The following BAG5 variants were observed in gnomAD, a reference collection of about 807,000 sequenced individuals.
BAG5 encodes the protein BAG cochaperone 5.
BAG5 carries 25 observed loss-of-function variants against 31.8 expected under a neutral mutation model. The observed-to-expected ratio is 0.79, with a 90% confidence interval of 0.57 to 1.10. BAG5 has a LOEUF of 1.10. BAG5 is among the 50% of genes least tolerant of loss of function. BAG5 has a pLI of 0.00. For missense variants in BAG5, 491 were observed against 527.9 expected, an observed-to-expected ratio of 0.93 and a Z score of 0.68; for synonymous variants, 208 against 205.0, an observed-to-expected ratio of 1.01 and a Z score of -0.13.
Position 103,560,566 on chromosome 14 carries a change from AGGACCCCTC to A in BAG5, c.590_598del (p.Arg197_Val199del). 5.6e-6 allele frequency: 9 copies of A among 1,614,174 alleles called. No individual in the cohort carries two copies. In the South Asian group the frequency reaches 9.9e-5, roughly 18 times the overall value. On this transcript the variant is annotated inframe_deletion, in exon 2 of 2. Transcript: ENST00000299204. ...GTTCACACCCATCAGAAGTGCAATC[AGGACCCCTC>A]GGGCCTTGTTCACCTCACACATCAC...
rs1007408769 is a variant in BAG5 at position 103,560,372 on chromosome 14, T to C, written c.793A>G (p.Thr265Ala). 6.2e-7 allele frequency: 1 copy of C among 1,614,220 alleles called. No individual in the cohort carries two copies. The highest frequency in any genetic ancestry group is 2.2e-5 in the East Asian group (1 of 44,896). ...YLDLEEEADT[T>A]KAFDLRQNHS... ...TTCTGTCTCAGGTCAAATGCTTTAGTTGTGTCTGCTTCCTCTTCCAAATCC... is the reference window on the plus strand; with the variant it reads ...TTCTGTCTCAGGTCAAATGCTTTAGCTGTGTCTGCTTCCTCTTCCAAATCC... Residue 265 changes from threonine (T) to alanine (A), a missense_variant, in exon 2 of 2, where the codon ACT becomes GCT. Coordinates refer to ENST00000299204, the MANE Select transcript of BAG5 (RefSeq NM_001015048.3).
intron 1 of BAG5, chr14:103,561,762 C>T (rs1404541471): frequency 3.0e-5 from 19 of 624,198 alleles, no homozygotes; most frequent in Non-Finnish European, 4.0e-5. Flanking sequence ...ATTAAAACCC[C>T]ACAGGTAAAG....
At chr14:103,562,067 T>C in intron 1 of BAG5, 1 of 1,116,848 alleles carries the variant, frequency 9.0e-7, no homozygotes, top group Non-Finnish European at 1.4e-6. Flanking sequence ...AGCTGCTTCC[T>C]CCCCGCCTCG....
chr14:103,557,500 G>A lies in BAG5; in HGVS notation c.*2321C>T, dbSNP rs973396582. 2 of 152,100 alleles carry A rather than the reference G, an allele frequency of 1.3e-5. No individual in the cohort carries two copies. The highest frequency in any genetic ancestry group is 2.4e-5 in the African/African-American group (1 of 41,418). 9.4% of individuals were successfully genotyped at this position (152,100 alleles called of 1,614,324 possible). On this transcript the variant is annotated 3_prime_UTR_variant, in exon 2 of 2. Transcript: ENST00000299204. ...TACTCACACACGATGCCCACAGCTT[G>A]GCAAAAGGTACACAAACACTTGTTT...
chr14:103,559,649 G>C lies in BAG5; in HGVS notation c.*172C>G. ...ATCCGAATGGAAAAGTTAACGTGCT[G>C]TAATGATATTTGTCTTGCAACATCA... On this transcript the variant is annotated 3_prime_UTR_variant, in exon 2 of 2. Transcript: ENST00000299204. 3 of 731,862 alleles carry C rather than the reference G, an allele frequency of 4.1e-6. No individual in the cohort carries two copies. The highest frequency in any genetic ancestry group is 6.5e-6 in the Non-Finnish European group (3 of 460,540). 45.3% of individuals were successfully genotyped at this position (731,862 alleles called of 1,614,324 possible).
At chr14:103,561,727 C>T in intron 1 of BAG5, 2 of 583,804 alleles carry the variant, frequency 3.4e-6, no homozygotes, top group Middle Eastern at 3.9e-4. Flanking sequence ...CACACATCTT[C>T]CCTCACAGAA....
chr14:103,561,297 C>T, intron 1 of BAG5, 105 bp from the exon 2 acceptor site: 1 of 1,253,720 alleles, frequency 8.0e-7, no homozygotes, highest in Non-Finnish European at 1.1e-6. Context: ...AGGTATACTT[C>T]TGAGCAGTCA....
rs2076064069 is a variant in BAG5 at position 103,560,464 on chromosome 14, C to T, written c.701G>A (p.Gly234Asp). 1 of 1,614,118 alleles carries T rather than the reference C, an allele frequency of 6.2e-7. No individual in the cohort carries two copies. Among genetic ancestry groups the T allele is most frequent in the Non-Finnish European group, 8.5e-7 (1 of 1,180,042 alleles). Residue 234 changes from glycine to aspartate, a missense_variant, in exon 2 of 2, where the codon GGC (glycine) becomes GAC (aspartate). Transcript: ENST00000299204. ...CCGATAATTTCTGATTTCTGTCCGG[C>T]CGCACACATCTAGAGCATCCAGGTC... Reference protein sequence around the residue: ...IADLDALDVCGRTEIRNYRRE... With the variant: ...IADLDALDVCDRTEIRNYRRE...
intron 1 of BAG5, chr14:103,561,652 G>T: frequency 2.1e-6 from 1 of 479,244 alleles, no homozygotes; most frequent in Non-Finnish European, 3.7e-6. Context: ...ACATCCCCAA[G>T]GTCCCCGCTT....
At position 103,558,757 on chromosome 14, in the gene BAG5, G is replaced by C. The variant is rs1316404946; in HGVS notation, c.*1064C>G. ...AGTTATGACATTTACTAAGTGAGTG[G>C]TTAACAGCTGACTGCCTAGAAAACC... is the stretch of plus-strand genomic sequence containing the variant. On this transcript the variant is annotated 3_prime_UTR_variant, in exon 2 of 2. Transcript: ENST00000299204. 6.6e-6 allele frequency: 1 copy of C among 152,154 alleles called. No individual in the cohort carries two copies. Among genetic ancestry groups the C allele is most frequent in the Non-Finnish European group, 1.5e-5 (1 of 68,018 alleles). The allele number at this position is 152,154 out of a possible 1,614,324, so 9.4% of individuals were successfully genotyped here. A position where few individuals can be genotyped will look rare whatever the true frequency, so the allele number is the denominator to read the frequency against.
Position 103,559,394 on chromosome 14 carries a change from G to A in BAG5, c.*427C>T. 5.8e-6 allele frequency: 1 copy of A among 171,146 alleles called. No homozygotes were observed. Among genetic ancestry groups the A allele is most frequent in the Non-Finnish European group, 1.3e-5 (1 of 78,452 alleles). 10.6% of individuals were successfully genotyped at this position (171,146 alleles called of 1,614,324 possible). ...TATCGAGCATAATGAAACAGAACAT[G>A]TACTGCTTGTGTTTGAACCTTACTC... On this transcript the variant is annotated 3_prime_UTR_variant, in exon 2 of 2. Transcript: ENST00000299204.
rs762995303 is a variant in BAG5, at chr14:103,559,822, C to A, written c.1343G>T (p.Ter448LeuextTer26). 1.2e-6 allele frequency: 2 copies of A among 1,610,362 alleles called. No individual in the cohort carries two copies. The highest frequency in any genetic ancestry group is 1.7e-6 in the Non-Finnish European group (2 of 1,177,476). The change falls in exon 2 of 2, where the codon TGA becomes TTA. Residue 448 changes from the stop codon to leucine (L), a stop_lost. Coordinates refer to ENST00000299204, the MANE Select transcript of BAG5 (RefSeq NM_001015048.3). ...ATCAAAAGTGAGATCTCTGGTATTTCAGTACTCCCATTCATCAGATTTCAG... is the reference window on the plus strand; with the variant it reads ...ATCAAAAGTGAGATCTCTGGTATTTAAGTACTCCCATTCATCAGATTTCAG... ...LDLKSDEWEY[*>L] is the part of the protein sequence containing the mutation.
At position 103,560,892 on chromosome 14, in the gene BAG5, C is replaced by T. The variant is rs144367794; in HGVS notation, c.273G>A (p.Arg91=). The change falls in exon 2 of 2, where the codon CGG becomes CGA. Residue 91 remains arginine (R), a synonymous_variant. Transcript: ENST00000299204. ...ELEQNANHPH[R]IEIQNIFEEA... ...CCTCAAAAATGTTCTGTATTTCAAT[C>T]CGGTGTGGGTGGTTTGCATTCTGCT... 6 of 1,614,152 alleles carry T rather than the reference C, an allele frequency of 3.7e-6. No individual in the cohort carries two copies. In the African/African-American group the frequency reaches 8.0e-5, roughly 22 times the overall value.
At position 103,561,210 on chromosome 14, in the gene BAG5, T is replaced by G; in HGVS notation, c.-28-18A>C. ...CACAAGCACTAAAAGACGACAAGAA[T>G]GATAACTTACTACAGCACAAGGCTT... On this transcript the variant is annotated intron_variant, in intron 1 of 1. Transcript: ENST00000299204. 6.4e-7 allele frequency: 1 copy of G among 1,573,298 alleles called. No individual in the cohort carries two copies. Among genetic ancestry groups the G allele is most frequent in the Non-Finnish European group, 8.6e-7 (1 of 1,168,918 alleles).
chr14:103,559,780 A>G lies in BAG5; in HGVS notation c.*41T>C, dbSNP rs746486280. The G allele has an allele frequency of 6.3e-7, 1 of 1,584,840 alleles. No individual in the cohort carries two copies. Among genetic ancestry groups the G allele is most frequent in the East Asian group, 2.2e-5 (1 of 44,560 alleles). On this transcript the variant is annotated 3_prime_UTR_variant, in exon 2 of 2. Coordinates refer to ENST00000299204, the MANE Select transcript of BAG5 (RefSeq NM_001015048.3). ...AAGCTCTCTATACATAGAAGCACAT[A>G]TGAAGTGCAAAACAGTATCAAAAGT...
In BAG5 at chr14:103,559,921, T is replaced by A. The variant is rs2076059644; in HGVS notation, c.1244A>T (p.Gln415Leu). 1.2e-6 allele frequency: 2 copies of A among 1,614,238 alleles called. No individual in the cohort carries two copies. The highest frequency in any genetic ancestry group is 1.7e-6 in the Non-Finnish European group (2 of 1,180,042). The change falls in exon 2 of 2, where the codon CAG becomes CTG. Residue 415 changes from glutamine to leucine, a missense_variant. Coordinates refer to ENST00000299204, the MANE Select transcript of BAG5 (RefSeq NM_001015048.3). ...GGCAGCCTTACACTTCTCTTCTCCC[T>A]GCGGATCAACAGCATCCAGGGCTAG... ...QLLALDAVDP[Q>L]GEEKCKAARK...
chr14:103,561,301 G>C, intron 1 of BAG5, 109 bp from the exon 2 acceptor site: 1 of 1,205,006 alleles, frequency 8.3e-7, no homozygotes, highest in South Asian at 1.5e-5. Context: ...ATACTTCTGA[G>C]CAGTCATCCC....
At chr14:103,561,425 G>A (rs1595128559) in intron 1 of BAG5, among the ~76,000 whole-genome samples, 2 of 152,058 alleles carry the variant, frequency 1.3e-5, no homozygotes, top group South Asian at 2.1e-4. Flanking sequence ...CAGACGATCC[G>A]CCCGCCTCCG....
At chr14:103,562,239 C>G (rs1004472895) in intron 1 of BAG5, 2 of 529,612 alleles carry the variant, frequency 3.8e-6, no homozygotes, top group African/African-American at 3.9e-5. Context: ...TAGGTCTGAG[C>G]GGGGCAGCCG....
Sources: allele counts gnomAD v4.1 joint callset (sites outside exome capture counted in the v4.1 genomes callset), GRCh38; gene constraint gnomAD v4.1.1; transcripts MANE v1.5; gene names NCBI Gene and HGNC (gene_info 2026-07-23, HGNC 2026-07-21).